MAPRE3: variants seen among roughly 807,000 people sequenced by gnomAD.
MAPRE3 encodes microtubule-associated protein RP/EB family member 3.
In MAPRE3, 2 loss-of-function variants were observed where a neutral mutation model predicts 30.5. The observed-to-expected ratio is 0.07, with a 90% CI of 0.03 to 0.21. MAPRE3 has a LOEUF of 0.21. Among genes scored for constraint, MAPRE3 ranks in the 10% least tolerant of loss-of-function variants. The pLI is 1.00. For missense variants in MAPRE3, 204 were observed against 351.8 expected (o/e 0.58, Z 3.36); for synonymous variants, 110 against 127.7 (o/e 0.86, Z 0.93).
chr2:26,984,411 T>C lies in MAPRE3; in HGVS notation c.-8+13609T>C, dbSNP rs547756256. 2.6e-5 allele frequency among the ~76,000 whole-genome samples: 4 copies of C among 152,356 alleles called. No homozygotes were observed. In the South Asian group the frequency reaches 8.3e-4, roughly 32 times the overall value. On this transcript the variant is annotated intron_variant, in intron 1 of 6. Transcript: ENST00000233121. ...ACACACATACTAACATATTATTTTT[T>C]TTAAACATGGAATCTAACTATTTTT...
chr2:27,013,991 T>G (rs1014270493), intron 1 of MAPRE3: 1 of 152,204 alleles, frequency 6.6e-6, no homozygotes, highest in African/African-American at 2.4e-5. Context: ...TACTTGCTTG[T>G]GTCTCACAGG....
At chr2:26,974,488 A>G (rs893386796) in intron 1 of MAPRE3, among the ~76,000 whole-genome samples, 3 of 152,214 alleles carry the variant, frequency 2.0e-5, no homozygotes, top group African/African-American at 7.2e-5. Flanking sequence ...CGCATTCCAG[A>G]AAGCAAGGTG....
intron 1 of MAPRE3, among the ~76,000 whole-genome samples, chr2:27,004,194 G>T (rs1041150650): frequency 3.3e-5 from 5 of 152,162 alleles, no homozygotes; most frequent in African/African-American, 1.2e-4. Flanking sequence ...AGGCAGAGCT[G>T]GAGTTGGGTG....
Position 27,006,211 on chromosome 2 carries a change from A to AC in MAPRE3, c.-7-16001_-7-16000insC, listed in dbSNP as rs369212233. ...ATAAAAACAAAAACAAAAACAAAAA[A>AC]AAAACAAGTGTGTGGAAGCCATTAG... On this transcript the variant is annotated intron_variant, in intron 1 of 6. Transcript: ENST00000233121. 6.2e-3 allele frequency among the ~76,000 whole-genome samples: 937 copies of AC among 151,788 alleles called. 10 individuals carry two copies. Among genetic ancestry groups the AC allele is most frequent in the African/African-American group, 0.022 (916 of 41,426 alleles).
At position 27,024,241 on chromosome 2, in the gene MAPRE3, C is replaced by T. The variant is rs761464811; in HGVS notation, c.413C>T (p.Pro138Leu). 3 of 1,614,102 alleles carry T rather than the reference C, an allele frequency of 1.9e-6. No homozygotes were observed. In the East Asian group the frequency reaches 6.7e-5, roughly 36 times the overall value. ...LARQGQDVAP[P>L]PNPGDQIFNK... The stretch of plus-strand genomic sequence containing the variant: ...CGGCAGGGCCAGGACGTAGCGCCAC[C>T]TCCTAACCCAGGTGATCAGATCTTC... Residue 138 changes from proline to leucine, a missense_variant, in exon 4 of 7, where the codon CCT becomes CTT. Physicochemically the swap from Pro to Leu is moderately conservative, Grantham distance 98. Around this residue, in one of 5 missense-constraint regions of MAPRE3, gnomAD observed 101 missense variants for 205.4 expected, o/e 0.49. Transcript: ENST00000233121.
rs140547123 is a variant in MAPRE3, at chr2:27,005,910, C to T, written c.-7-16302C>T. Among the ~76,000 whole-genome samples, 686 of 152,262 alleles carry T rather than the reference C, an allele frequency of 4.5e-3. 3 individuals carry two copies. The highest frequency in any genetic ancestry group is 0.016 in the African/African-American group (650 of 41,548). ...AAACCAAGAGTGTGTCGGCCGGGCG[C>T]GGTGGCTCACGCCTGTAATCCCAGC... On this transcript the variant is annotated intron_variant, in intron 1 of 6. Transcript: ENST00000233121.
intron 1 of MAPRE3, among the ~76,000 whole-genome samples, chr2:26,980,419 G>A (rs1572742815): frequency 1.3e-5 from 2 of 152,160 alleles, no homozygotes; most frequent in East Asian, 3.8e-4. Flanking sequence ...TAAAATTGTA[G>A]TATGTGGTTC....
chr2:27,010,989 A>G (rs901929450), intron 1 of MAPRE3, among the ~76,000 whole-genome samples: 4 of 152,110 alleles, frequency 2.6e-5, no homozygotes, highest in African/African-American at 7.2e-5. Context: ...TTATTGCACA[A>G]TTTAATGACC....
intron 1 of MAPRE3, among the ~76,000 whole-genome samples, chr2:27,016,475 C>T (rs1405029334): frequency 6.6e-6 from 1 of 151,384 alleles, no homozygotes; most frequent in Non-Finnish European, 1.5e-5. Flanking sequence ...AGCTCCGCCT[C>T]CCGGGTTCAC....
Position 26,985,152 on chromosome 2 carries a change from A to G in MAPRE3, c.-8+14350A>G, listed in dbSNP as rs1423870510. On this transcript the variant is annotated intron_variant, in intron 1 of 6. Transcript: ENST00000233121. This position sits in a 1 kb window ranked among gnomAD's most constrained non-coding sequence, Gnocchi z 4.2. ...TTCCTTTTTCTTTAGCCTCAATATC[A>G]TTTGCTTAGTACCGTTTAGGTAGAT... 3.9e-5 allele frequency among the ~76,000 whole-genome samples: 6 copies of G among 152,110 alleles called. No individual in the cohort carries two copies. The highest frequency in any genetic ancestry group is 3.9e-4 in the Admixed American group (6 of 15,266).
chr2:26,984,424 TCTAA>T (rs1326868196), intron 1 of MAPRE3, among the ~76,000 whole-genome samples: 3 of 152,212 alleles, frequency 2.0e-5, no homozygotes, highest in East Asian at 3.8e-4. Context: ...AAACATGGAA[TCTAA>T]CTATTTTTCA....
rs762380472 is a variant in MAPRE3, at chr2:27,025,864, CTT to C, written c.625-14_625-13del. On this transcript the variant is annotated splice_polypyrimidine_tract_variant and intron_variant, in intron 5 of 6. Transcript: ENST00000233121. ...GTGGGGACCTCTGGCTTGAACATCA[CTT>C]TGTCCCCAAGCAGCTGGTGGACTTG... The C allele has an allele frequency of 1.9e-6, 3 of 1,614,114 alleles. No individual in the cohort carries two copies. The South Asian group carries it at 3.3e-5, about 18-fold the overall frequency.
chr2:26,985,464 C>G lies in MAPRE3; in HGVS notation c.-8+14662C>G, dbSNP rs1392843845. On this transcript the variant is annotated intron_variant, in intron 1 of 6. Coordinates refer to ENST00000233121, the MANE Select transcript of MAPRE3 (RefSeq NM_012326.4). This position sits in a 1 kb window ranked among gnomAD's most constrained non-coding sequence, Gnocchi z 4.2. ...AGAAGCAGGCCCTGGAGACCCTCCC[C>G]ACTTGCTCAGGTGTGGCCCAGACCA... Among the ~76,000 whole-genome samples, 3 of 152,190 alleles carry G rather than the reference C, an allele frequency of 2.0e-5. No homozygotes were observed. Among genetic ancestry groups the G allele is most frequent in the African/African-American group, 7.2e-5 (3 of 41,440 alleles).
intron 1 of MAPRE3, among the ~76,000 whole-genome samples, chr2:27,009,414 A>G (rs944602729): frequency 6.6e-6 from 1 of 152,240 alleles, no homozygotes; most frequent in African/African-American, 2.4e-5. Context: ...TCTCTTGGGA[A>G]TCTCTTCAGC....
intron 1 of MAPRE3, among the ~76,000 whole-genome samples, chr2:26,994,834 T>C (rs1666419036): frequency 1.3e-5 from 2 of 150,598 alleles, no homozygotes; most frequent in Admixed American, 6.6e-5. Flanking sequence ...CTTTTTTTTT[T>C]TTTTTTTTTT....
At chr2:26,994,213 A>C (rs1025257353) in intron 1 of MAPRE3, among the ~76,000 whole-genome samples, 3 of 152,252 alleles carry the variant, frequency 2.0e-5, no homozygotes, top group African/African-American at 7.2e-5. Flanking sequence ...CCAAGCCCTG[A>C]GAAAACTGAC....
rs538967187 is a variant in MAPRE3 at position 27,025,466 on chromosome 2, G to A, written c.470-117G>A. 29 of 1,032,760 alleles carry A rather than the reference G, an allele frequency of 2.8e-5. No homozygotes were observed. In the African/African-American group the frequency reaches 3.2e-4, roughly 11 times the overall value. The allele number at this position is 1,032,760 out of a possible 1,614,324, so 64.0% of individuals were successfully genotyped here. A position where few individuals can be genotyped will look rare whatever the true frequency, so the allele number is the denominator to read the frequency against. On this transcript the variant is annotated intron_variant, in intron 4 of 6. Coordinates refer to ENST00000233121, the MANE Select transcript of MAPRE3 (RefSeq NM_012326.4). Reference sequence around the variant, plus strand: ...TGCCCTTCCTGGGGTGGGGGCAGGGGGGTGAGAGTGCCTGCCTGTCGCATG... The same window carrying A: ...TGCCCTTCCTGGGGTGGGGGCAGGGAGGTGAGAGTGCCTGCCTGTCGCATG...
intron 1 of MAPRE3, among the ~76,000 whole-genome samples, chr2:27,018,911 A>ATTTT (rs1558385954): frequency 6.6e-6 from 1 of 150,904 alleles, no homozygotes; most frequent in African/African-American, 2.4e-5. Context: ...TTATTTATTT[A>ATTTT]TTTATTTATT....
At position 27,026,375 on chromosome 2, in the gene MAPRE3, A is replaced by ACGGCTTCCCCGTGCCTCCCTCCCTG. The variant is rs2148231719; in HGVS notation, c.*28_*29insGGCTTCCCCGTGCCTCCCTCCCTGC. The ACGGCTTCCCCGTGCCTCCCTCCCTG allele has an allele frequency of 6.3e-7, 1 of 1,595,112 alleles. No individual in the cohort carries two copies. The highest frequency in any genetic ancestry group is 1.1e-5 in the South Asian group (1 of 89,940). On this transcript the variant is annotated 3_prime_UTR_variant, in exon 7 of 7. Transcript: ENST00000233121. The stretch of plus-strand genomic sequence containing the variant: ...GGCGGCCGCAGCCCTGGCTGACTGC[A>ACGGCTTCCCCGTGCCTCCCTCCCTG]CAGCTTCCCCGTGCCTCCCTCCCTG...
Sources: allele counts gnomAD v4.1 joint callset (sites outside exome capture counted in the v4.1 genomes callset), GRCh38; gene constraint gnomAD v4.1.1; regional missense constraint gnomAD v4.1.1; non-coding constraint Gnocchi (gnomAD v3.1); transcripts MANE v1.5; gene names NCBI Gene and HGNC (gene_info 2026-07-23, HGNC 2026-07-21).